Variants in JAZF1 observed in about 807,000 individuals in gnomAD.
JAZF1 encodes JAZF zinc finger 1, also known as juxtaposed with another zinc finger protein 1.
In JAZF1, 8 loss-of-function variants were observed where a neutral mutation model predicts 26.4. The ratio of observed to expected loss-of-function variants is 0.30; its 90% CI spans 0.18 to 0.55. JAZF1 has a LOEUF of 0.55. Ranked by LOEUF, JAZF1 falls within the 20% of genes least tolerant of loss-of-function variation. The pLI, the probability that JAZF1 is intolerant of heterozygous loss-of-function variation, is 0.94. For synonymous variants in JAZF1, 126 were observed against 122.3 expected (o/e 1.03, Z -0.20); for missense variants, 199 against 322.0 (o/e 0.62, Z 2.92).
At chr7:28,104,450 T>C (rs1784521032) in intron 1 of JAZF1, among the ~76,000 whole-genome samples, 3 of 152,214 alleles carry the variant, frequency 2.0e-5, no homozygotes, top group Admixed American at 2.0e-4. Context: ...AATAAACAAA[T>C]AGGATTTAAC....
Position 28,103,346 on chromosome 7 carries a change from T to G in JAZF1, c.115+77117A>C, listed in dbSNP as rs773124775. On this transcript the variant is annotated intron_variant, in intron 1 of 4. Transcript: ENST00000283928. The stretch of plus-strand genomic sequence containing the variant: ...GTTCTGGCTACTTAGGTGGCTGAGG[T>G]GGGAGGATCCCTTGAGGCCGGCCAG... 2.0e-5 allele frequency among the ~76,000 whole-genome samples: 3 copies of G among 152,090 alleles called. No individual in the cohort carries two copies. In the East Asian group the frequency reaches 5.8e-4, roughly 29 times the overall value.
chr7:27,976,344 C>CAAAAAAAAAA (rs55992845), intron 2 of JAZF1, among the ~76,000 whole-genome samples: 2 of 80,460 alleles, frequency 2.5e-5, no homozygotes, highest in Non-Finnish European at 2.3e-5. Context: ...GACTCCGTCT[C>CAAAAAAAAAA]AAAAAAAAAA....
intron 2 of JAZF1, among the ~76,000 whole-genome samples, chr7:27,938,697 G>A (rs1014899365): frequency 1.3e-5 from 2 of 152,022 alleles, no homozygotes; most frequent in East Asian, 1.9e-4. Context: ...TTTGAGATAC[G>A]GTCTGGCTCT....
intron 1 of JAZF1, among the ~76,000 whole-genome samples, chr7:28,113,923 A>G (rs1190571338): frequency 6.6e-6 from 1 of 152,222 alleles, no homozygotes; most frequent in East Asian, 1.9e-4. Flanking sequence ...TAATGCTTCT[A>G]AAATCTTGGA....
chr7:28,158,168 A>AAAC (rs1562606798), intron 1 of JAZF1, among the ~76,000 whole-genome samples: 14 of 142,482 alleles, frequency 9.8e-5, no homozygotes, highest in South Asian at 4.6e-4. Context: ...CACACACACA[A>AAAC]ACACACACAC....
chr7:27,890,874 C>T (rs1214120262), intron 3 of JAZF1, among the ~76,000 whole-genome samples: 2 of 151,290 alleles, frequency 1.3e-5, no homozygotes, highest in African/African-American at 2.4e-5. Context: ...ACCGCAACCT[C>T]CACCTCCCAG....
At chr7:28,152,044 C>T (rs1013479748) in intron 1 of JAZF1, among the ~76,000 whole-genome samples, 2 of 152,080 alleles carry the variant, frequency 1.3e-5, no homozygotes, top group Middle Eastern at 3.2e-3. Context: ...CATGTCTTTA[C>T]GTAGTTTCGT....
intron 1 of JAZF1, among the ~76,000 whole-genome samples, chr7:28,129,502 T>A (rs1417843022): frequency 6.6e-6 from 1 of 152,128 alleles, no homozygotes; most frequent in Non-Finnish European, 1.5e-5. Context: ...GTTTAACTTA[T>A]CTACATGGTA....
chr7:27,942,617 C>T (rs1046093793), intron 2 of JAZF1, among the ~76,000 whole-genome samples: 2 of 152,178 alleles, frequency 1.3e-5, no homozygotes, highest in Admixed American at 6.5e-5. Flanking sequence ...ACATCCACAA[C>T]TTGTAAGTTT....
intron 2 of JAZF1, among the ~76,000 whole-genome samples, chr7:27,970,127 T>C (rs1483538704): frequency 6.6e-6 from 1 of 152,170 alleles, no homozygotes; most frequent in Admixed American, 6.5e-5. Flanking sequence ...AAGTTCTTTG[T>C]AAAATAGAGA....
rs543643890 is a variant in JAZF1, at chr7:28,017,203, T to G, written c.116-25222A>C. Among the ~76,000 whole-genome samples, 87 of 152,092 alleles carry G rather than the reference T, an allele frequency of 5.7e-4. 2 individuals are homozygous for G. In the Middle Eastern group the frequency reaches 0.014, roughly 24 times the overall value. On this transcript the variant is annotated intron_variant, in intron 1 of 4. Transcript: ENST00000283928. The stretch of plus-strand genomic sequence containing the variant: ...CCATCTCTACTAAACATACAAAAAT[T>G]AGCCAGGCATGGTGGTGGGTGCCTG...
At chr7:27,899,187 T>C (rs1784123776) in intron 2 of JAZF1, among the ~76,000 whole-genome samples, 1 of 152,240 alleles carries the variant, frequency 6.6e-6, no homozygotes. Context: ...GGCAGATTCC[T>C]AGTGGCAAGG....
intron 3 of JAZF1, among the ~76,000 whole-genome samples, chr7:27,847,517 G>A (rs938181012): frequency 6.6e-5 from 10 of 152,128 alleles, no homozygotes; most frequent in Non-Finnish European, 1.5e-4. Context: ...AGTTGTCCCA[G>A]CACCAATTAC....
chr7:28,105,233 C>T (rs917857276), intron 1 of JAZF1, among the ~76,000 whole-genome samples: 27 of 152,204 alleles, frequency 1.8e-4, no homozygotes, highest in Admixed American at 5.9e-4. Context: ...GACAATTTTG[C>T]TGACCCATAT....
At position 28,092,776 on chromosome 7, in the gene JAZF1, C is replaced by T. The variant is rs73072518; in HGVS notation, c.115+87687G>A. 6.1e-3 allele frequency among the ~76,000 whole-genome samples: 933 copies of T among 151,982 alleles called. 11 individuals are homozygous for T. Among genetic ancestry groups the T allele is most frequent in the Non-Finnish European group, 9.3e-3 (630 of 67,972 alleles). ...TCAGGAGGCTGAGGTGGGAGGATCA[C>T]CTGGGCCTGGGAAGATCGAGGCTGC... On this transcript the variant is annotated intron_variant, in intron 1 of 4. Transcript: ENST00000283928.
intron 1 of JAZF1, among the ~76,000 whole-genome samples, chr7:28,092,014 T>A (rs867394682): frequency 3.9e-5 from 6 of 152,114 alleles, no homozygotes; most frequent in African/African-American, 1.4e-4. Context: ...AACATTCAAC[T>A]TCTAGTGAGA....
intron 1 of JAZF1, among the ~76,000 whole-genome samples, chr7:28,100,873 A>T (rs150809563): frequency 3.3e-4 from 51 of 152,288 alleles, no homozygotes; most frequent in African/African-American, 1.2e-3. Flanking sequence ...GCATCTGTGC[A>T]TCTACACTGT....
intron 1 of JAZF1, among the ~76,000 whole-genome samples, chr7:28,051,381 G>A (rs899791600): frequency 1.3e-5 from 2 of 151,686 alleles, no homozygotes; most frequent in Admixed American, 6.6e-5. Flanking sequence ...CACCACGCCT[G>A]GCTAATTTTT....
intron 3 of JAZF1, among the ~76,000 whole-genome samples, chr7:27,878,371 C>T (rs1783716500): frequency 8.0e-6 from 1 of 124,428 alleles, no homozygotes; most frequent in South Asian, 2.7e-4. Context: ...CAGAAAACAT[C>T]TAACACACAC....
Sources: allele counts gnomAD v4.1 joint callset (sites outside exome capture counted in the v4.1 genomes callset), GRCh38; gene constraint gnomAD v4.1.1; transcripts MANE v1.5; gene names NCBI Gene and HGNC (gene_info 2026-07-23, HGNC 2026-07-21).